TMC6: variants seen among roughly 807,000 people sequenced by gnomAD.
The protein encoded by TMC6 is transmembrane channel-like protein 6.
In TMC6, 71 loss-of-function variants were observed where a neutral mutation model predicts 95.4. That is an observed-to-expected ratio of 0.74 (90% CI 0.61 to 0.91). The LOEUF (loss-of-function observed/expected upper bound fraction) is 0.91, where lower values mean the gene tolerates loss of function less well. TMC6 is among the 40% of genes least tolerant of loss of function. The pLI, the probability that TMC6 is intolerant of heterozygous loss-of-function variation, is 0.00. For synonymous variants in TMC6, 514 were observed against 483.1 expected (o/e 1.06, Z -0.84); for missense variants, 1,074 against 1,079.1 (o/e 1.00, Z 0.07).
intron 4 of TMC6, 111 bp from the exon 5 acceptor site, chr17:78,125,995 A>C: frequency 6.9e-7 from 1 of 1,455,016 alleles, no homozygotes; most frequent in East Asian, 2.5e-5. Flanking sequence ...GACCCAGGAA[A>C]ATCCTTTCAA....
At chr17:78,119,869 A>G (rs961742750) in intron 13 of TMC6, 4 of 339,328 alleles carry the variant, frequency 1.2e-5, no homozygotes, top group African/African-American at 4.4e-5. Context: ...GCTGGTCTCA[A>G]ACTCCTGGGC....
rs553601206 is a variant in TMC6 at position 78,111,580 on chromosome 17, C to G, written c.*1568G>C. ...GTTGGCTGCCCAGAATCAGCACCAG[C>G]TACTTGCTGAGGCCCAGAAGCACCA... On this transcript the variant is annotated 3_prime_UTR_variant, in exon 20 of 20. Coordinates refer to ENST00000590602, the MANE Select transcript of TMC6 (RefSeq NM_001127198.5). 4 of 152,728 alleles carry G rather than the reference C, an allele frequency of 2.6e-5. No individual in the cohort carries two copies. Among genetic ancestry groups the G allele is most frequent in the Non-Finnish European group, 5.9e-5 (4 of 68,338 alleles). The allele number at this position is 152,728 out of a possible 1,614,324, so 9.5% of individuals were successfully genotyped here. A position where few individuals can be genotyped will look rare whatever the true frequency, so the allele number is the denominator to read the frequency against.
chr17:78,117,221 G>A (rs370254025), intron 18 of TMC6, 48 bp downstream of exon 18: 27 of 1,599,094 alleles, frequency 1.7e-5, no homozygotes, highest in Non-Finnish European at 2.2e-5. Context: ...TCACCCTCAG[G>A]TGACCTGAGA....
Position 78,126,760 on chromosome 17 carries a change from A to G in TMC6, c.56+17T>C. On this transcript the variant is annotated intron_variant, in intron 2 of 19. Transcript: ENST00000590602. ...TGGAACATTCCAGCCTCCAGCCCCC[A>G]GCCCCAGAGCGCTTACCCCTGGTCC... 1 of 1,612,920 alleles carries G rather than the reference A, an allele frequency of 6.2e-7. No homozygotes were observed. The highest frequency in any genetic ancestry group is 8.5e-7 in the Non-Finnish European group (1 of 1,179,740).
chr17:78,109,660 C>CA lies in TMC6; in HGVS notation c.*3487dup, dbSNP rs2073786259. The CA allele has an allele frequency of 2.3e-6, 1 of 425,864 alleles. No individual in the cohort carries two copies. Among genetic ancestry groups the CA allele is most frequent in the Admixed American group, 2.4e-5 (1 of 40,860 alleles). 26.4% of individuals were successfully genotyped at this position (425,864 alleles called of 1,614,324 possible). A position where few individuals can be genotyped will look rare whatever the true frequency, so the allele number is the denominator to read the frequency against. Reference sequence around the variant, plus strand: ...GCAGAAGCACATTTCCGAAGCCCCCCAAGCCCACGGGCGTGAGTGCATGCA... The same window carrying CA: ...GCAGAAGCACATTTCCGAAGCCCCCCAAAGCCCACGGGCGTGAGTGCATGCA... On this transcript the variant is annotated 3_prime_UTR_variant, in exon 20 of 20. Transcript: ENST00000590602.
chr17:78,120,765 C>T lies in TMC6; in HGVS notation c.1603G>A (p.Val535Ile), dbSNP rs777395340. 58 of 1,613,244 alleles carry T rather than the reference C, an allele frequency of 3.6e-5. No homozygotes were observed. The highest frequency in any genetic ancestry group is 1.2e-4 in the African/African-American group (9 of 74,920). The change falls in exon 13 of 20, where the codon GTC becomes ATC. Residue 535 changes from valine to isoleucine, a missense_variant. Physicochemically the swap from Val to Ile is conservative, Grantham distance 29 (BLOSUM62 3). Coordinates refer to ENST00000590602, the MANE Select transcript of TMC6 (RefSeq NM_001127198.5). ...TCCTCCCAGCACTGGCCCTGCAGGA[C>T]GCCCACCCTGCGGCCCAGCCAGTGG... The part of the protein sequence containing the change: ...CYHWLGRRVG[V>I]LQGQCWEDFV...
intron 12 of TMC6, 56 bp from the exon 13 acceptor site, chr17:78,120,888 C>A: frequency 1.2e-6 from 2 of 1,610,834 alleles, no homozygotes; most frequent in Non-Finnish European, 1.7e-6. Flanking sequence ...AGAAGATGCA[C>A]CCCAGGGCCC....
Position 78,109,281 on chromosome 17 carries a change from G to A in TMC6, c.*3867C>T, listed in dbSNP as rs1474473796. 2 of 361,894 alleles carry A rather than the reference G, an allele frequency of 5.5e-6. No homozygotes were observed. The highest frequency in any genetic ancestry group is 1.5e-4 in the East Asian group (2 of 13,470). 22.4% of individuals were successfully genotyped at this position (361,894 alleles called of 1,614,324 possible). ...GGCGAGCCCCGACTGAGTGTTCAGT[G>A]AAGAGGGAAAACAGAGACAGTGGGG... On this transcript the variant is annotated 3_prime_UTR_variant, in exon 20 of 20. Transcript: ENST00000590602.
chr17:78,114,249 AAGT>A lies in TMC6; in HGVS notation c.2278-628_2278-626del, dbSNP rs1410385654. 1.1e-4 allele frequency among the ~76,000 whole-genome samples: 17 copies of A among 152,074 alleles called. No homozygotes were observed. The East Asian group carries it at 2.5e-3, about 22-fold the overall frequency. On this transcript the variant is annotated intron_variant, in intron 18 of 19. Transcript: ENST00000590602. Reference sequence around the variant, plus strand: ...ACTTCAAAGCCAGCAGTGGCTGCTCAAGTCCTGCTCACGTGGCACCACTCTGAC... The same window carrying A: ...ACTTCAAAGCCAGCAGTGGCTGCTCACCTGCTCACGTGGCACCACTCTGAC...
rs747640148 is a variant in TMC6, at chr17:78,126,612, G to C, written c.93C>G (p.His31Gln). Residue 31 changes from histidine to glutamine, a missense_variant, in exon 3 of 20, where the codon CAC (histidine) becomes CAG (glutamine). By Grantham distance (24) the His-to-Gln change is conservative. Transcript: ENST00000590602. ...CCTGGATGAGCTGCTGGAAGGAGTC[G>C]TGCACTTCGCTTTCATCATAGGGGC... ...GPSPYDESEV[H>Q]DSFQQLIQEQ... The C allele has an allele frequency of 2.5e-6, 4 of 1,613,496 alleles. No individual in the cohort carries two copies. The Admixed American group carries it at 5.0e-5, about 20-fold the overall frequency.
intron 5 of TMC6, among the ~76,000 whole-genome samples, 172 bp downstream of exon 5, chr17:78,125,554 G>A (rs1057242632): frequency 6.6e-5 from 10 of 152,242 alleles, no homozygotes; most frequent in African/African-American, 2.4e-4. Flanking sequence ...CCACTTCCCT[G>A]TCCCCGTGGG....
chr17:78,120,152 C>CTTTTTTT, intron 13 of TMC6: 11 of 151,482 alleles, frequency 7.3e-5, no homozygotes, highest in Non-Finnish European at 1.3e-4. Context: ...ATACACGTTA[C>CTTTTTTT]TTTTTTTTTT....
intron 1 of TMC6, 104 bp from the exon 2 acceptor site, chr17:78,127,010 G>C: frequency 1.4e-6 from 1 of 722,276 alleles, no homozygotes; most frequent in South Asian, 1.6e-5. Context: ...TCACAGCCCA[G>C]ACAGTCCCGC....
chr17:78,131,369 T>A, upstream of TMC6: 1 of 637,606 alleles, frequency 1.6e-6, no homozygotes, highest in Non-Finnish European at 2.7e-6. Context: ...TTCTCTCTCA[T>A]TTCTGAGCCC....
chr17:78,120,396 G>A (rs1873504940), intron 13 of TMC6: 2 of 568,022 alleles, frequency 3.5e-6, no homozygotes, highest in Admixed American at 2.2e-5. Flanking sequence ...CTGACCTCAG[G>A]TGATCCACTC....
upstream of TMC6, chr17:78,131,647 A>T (rs1431330889): frequency 1.3e-6 from 2 of 1,560,154 alleles, no homozygotes; most frequent in Non-Finnish European, 1.7e-6. Context: ...GAGCCGGAGG[A>T]GCTGTGGGAG....
rs774079540 is a variant in TMC6, at chr17:78,126,333, C to T, written c.215G>A (p.Gly72Asp). ...SSQQTLWRPE[G>D]TQSTATLRIL... The stretch of plus-strand genomic sequence containing the variant: ...GCGGAGTGTGGCCGTGCTCTGGGTG[C>T]CCTCGGGCCGCCAGAGTGTCTGCTG... Residue 72 changes from glycine (G) to aspartate (D), a missense_variant, in exon 4 of 20, where the codon GGC becomes GAC. By Grantham distance (94) the Gly-to-Asp change is moderately conservative. Transcript: ENST00000590602. 1 of 1,578,966 alleles carries T rather than the reference C, an allele frequency of 6.3e-7. No individual in the cohort carries two copies. The highest frequency in any genetic ancestry group is 1.1e-5 in the South Asian group (1 of 87,750).
intron 18 of TMC6, among the ~76,000 whole-genome samples, chr17:78,116,421 C>T (rs999324228): frequency 2.0e-4 from 30 of 151,968 alleles, no homozygotes; most frequent in African/African-American, 7.2e-4. Context: ...TACAGGTGCA[C>T]ACCACCACAC....
At chr17:78,123,142 G>A in intron 9 of TMC6, 1 of 346,548 alleles carries the variant, frequency 2.9e-6, no homozygotes. Flanking sequence ...CAGGGCAAGT[G>A]CCGCCTCCCC....
Sources: allele counts gnomAD v4.1 joint callset (sites outside exome capture counted in the v4.1 genomes callset), GRCh38; gene constraint gnomAD v4.1.1; transcripts MANE v1.5; gene names NCBI Gene and HGNC (gene_info 2026-07-23, HGNC 2026-07-21).